The following SETBP1 variants were observed in gnomAD, a reference collection of about 807,000 sequenced individuals.
SETBP1 encodes SET-binding protein.
A neutral mutation model predicts 101.0 loss-of-function variants in SETBP1; 9 were observed. The observed-to-expected ratio is 0.09, with a 90% confidence interval of 0.05 to 0.16. The LOEUF (loss-of-function observed/expected upper bound fraction) is 0.16. Ranked by LOEUF, SETBP1 falls within the 10% of genes least tolerant of loss-of-function variation. The pLI is 1.00. For missense variants in SETBP1, 1,858 were observed against 2,033.8 expected (o/e 0.91, Z 1.66); for synonymous variants, 818 against 788.5 (o/e 1.04, Z -0.63).
At chr18:44,720,900 A>ACC (rs1599031882) in intron 2 of SETBP1, among the ~76,000 whole-genome samples, 2 of 101,204 alleles carry the variant, frequency 2.0e-5, no homozygotes, top group African/African-American at 3.9e-5. Context: ...GGAGCCCTCC[A>ACC]ACCCCCACCC....
At chr18:44,924,862 G>A (rs549763557) in intron 3 of SETBP1, among the ~76,000 whole-genome samples, 1 of 152,248 alleles carries the variant, frequency 6.6e-6, no homozygotes, top group East Asian at 1.9e-4. Flanking sequence ...CATCAAATGT[G>A]TTCCCAGATG....
chr18:44,815,846 A>C (rs1474771649), intron 2 of SETBP1, among the ~76,000 whole-genome samples: 1 of 152,224 alleles, frequency 6.6e-6, no homozygotes, highest in Non-Finnish European at 1.5e-5. Context: ...TGGGGCCTGC[A>C]GCTTCTCTTG....
chr18:44,747,373 G>A (rs1410249395), intron 2 of SETBP1, among the ~76,000 whole-genome samples: 1 of 152,112 alleles, frequency 6.6e-6, no homozygotes, highest in African/African-American at 2.4e-5. Flanking sequence ...AGCATCCCAG[G>A]AAAAGGGAAC....
intron 2 of SETBP1, among the ~76,000 whole-genome samples, chr18:44,757,788 G>C (rs2070533965): frequency 6.6e-6 from 1 of 152,082 alleles, no homozygotes; most frequent in Non-Finnish European, 1.5e-5. Context: ...TAAGAACTCT[G>C]TTTGAAAGTA....
chr18:44,715,720 G>A (rs759122870), intron 2 of SETBP1, among the ~76,000 whole-genome samples: 19 of 152,182 alleles, frequency 1.2e-4, no homozygotes, highest in Non-Finnish European at 1.9e-4. Flanking sequence ...CTACTGTATA[G>A]TAGATTTCCA....
rs747145926 is a variant in SETBP1, at chr18:44,950,976, G to A, written c.1636G>A (p.Ala546Thr). ...KPKPSTMLRE[A>T]VMATSDKLML... is the part of the protein sequence containing the mutation. The stretch of plus-strand genomic sequence containing the variant: ...AAAACCTAGCACCATGCTTCGAGAG[G>A]CAGTTATGGCCACCTCTGATAAACT... The change falls in exon 4 of 6, where the codon GCA becomes ACA. Residue 546 changes from alanine (A) to threonine (T), a missense_variant. Transcript: ENST00000649279. 1.2e-6 allele frequency: 2 copies of A among 1,614,014 alleles called. No individual in the cohort carries two copies. The highest frequency in any genetic ancestry group is 1.7e-6 in the Non-Finnish European group (2 of 1,180,018).
At chr18:45,018,054 G>T (rs554505612) in intron 4 of SETBP1, among the ~76,000 whole-genome samples, 285 of 152,290 alleles carry the variant, frequency 1.9e-3, no homozygotes, top group Non-Finnish European at 3.0e-3. Flanking sequence ...TCCACTTAAT[G>T]ATCCTTCCCA....
At chr18:44,878,322 G>A (rs959744324) in intron 3 of SETBP1, among the ~76,000 whole-genome samples, 1 of 130,352 alleles carries the variant, frequency 7.7e-6, no homozygotes, top group Non-Finnish European at 1.7e-5. Context: ...TACATCTTCA[G>A]TTTTTCATTC....
intron 3 of SETBP1, among the ~76,000 whole-genome samples, chr18:44,890,514 A>G (rs1446152047): frequency 6.6e-6 from 1 of 152,052 alleles, no homozygotes; most frequent in Non-Finnish European, 1.5e-5. Flanking sequence ...GAGTATTTGG[A>G]GATGTTTGTA....
At chr18:44,751,242 G>C (rs148570796) in intron 2 of SETBP1, among the ~76,000 whole-genome samples, 2 of 152,290 alleles carry the variant, frequency 1.3e-5, no homozygotes, top group Non-Finnish European at 2.9e-5. Flanking sequence ...TCACCCTTCT[G>C]TTCCCCACAG....
intron 2 of SETBP1, among the ~76,000 whole-genome samples, chr18:44,707,799 G>A (rs1455176089): frequency 6.6e-6 from 1 of 152,164 alleles, no homozygotes; most frequent in Non-Finnish European, 1.5e-5. Context: ...GTAAGTAGCA[G>A]GGGTGCTCAC....
chr18:44,906,182 T>C (rs1045613873), intron 3 of SETBP1, among the ~76,000 whole-genome samples: 1 of 152,214 alleles, frequency 6.6e-6, no homozygotes, highest in South Asian at 2.1e-4. Flanking sequence ...CATTTTCAGC[T>C]AAGTCCAGAA....
In SETBP1 at chr18:44,895,833, G is replaced by GA. The variant is rs150142523; in HGVS notation, c.540+26558dup. Among the ~76,000 whole-genome samples the GA allele has an allele frequency of 5.5e-3, 833 of 151,856 alleles. 10 individuals carry two copies. Among genetic ancestry groups the GA allele is most frequent in the African/African-American group, 0.019 (799 of 41,410 alleles). The stretch of plus-strand genomic sequence containing the variant: ...TTTTGTTTTATTTATTTCAACCAAA[G>GA]AAAAAAAATGACACTTTTTTTGCAT... On this transcript the variant is annotated intron_variant, in intron 3 of 5. Coordinates refer to ENST00000649279, the MANE Select transcript of SETBP1 (RefSeq NM_015559.3).
At chr18:44,815,344 AC>A (rs1184936108) in intron 2 of SETBP1, among the ~76,000 whole-genome samples, 1 of 152,246 alleles carries the variant, frequency 6.6e-6, no homozygotes, top group Non-Finnish European at 1.5e-5. Flanking sequence ...GGAGTTTTGA[AC>A]TGAACTTTAA....
intron 2 of SETBP1, among the ~76,000 whole-genome samples, chr18:44,837,073 A>C (rs538292258): frequency 2.9e-4 from 44 of 152,210 alleles, no homozygotes; most frequent in Non-Finnish European, 5.9e-4. Flanking sequence ...GCTCTGCTCC[A>C]TGGGCTAAGG....
At position 45,068,406 on chromosome 18, in the gene SETBP1, G is replaced by A. The variant is rs1355311761; in HGVS notation, c.*4708G>A. 1 of 151,694 alleles carries A rather than the reference G, an allele frequency of 6.6e-6. No homozygotes were observed. Among genetic ancestry groups the A allele is most frequent in the African/African-American group, 2.4e-5 (1 of 41,230 alleles). 9.4% of individuals were successfully genotyped at this position (151,694 alleles called of 1,614,324 possible). On this transcript the variant is annotated 3_prime_UTR_variant, in exon 6 of 6. Coordinates refer to ENST00000649279, the MANE Select transcript of SETBP1 (RefSeq NM_015559.3). ...GAAAGCTCAGTCTTTTCCGCTACCA[G>A]ATCAGGTTAGCACAGTATAGAGCAC... is the stretch of plus-strand genomic sequence containing the variant.
rs77436011 is a variant in SETBP1 at position 44,955,272 on chromosome 18, C to T, written c.4000+1932C>T. 5.6e-3 allele frequency among the ~76,000 whole-genome samples: 847 copies of T among 152,302 alleles called. 9 individuals carry two copies. Among genetic ancestry groups the T allele is most frequent in the African/African-American group, 0.019 (807 of 41,562 alleles). ...CGCATTCATCACTTTATTAAAACTC[C>T]TCCTCATCCCTGTCCCATCTCATCT... On this transcript the variant is annotated intron_variant, in intron 4 of 5. Transcript: ENST00000649279.
rs750647001 is a variant in SETBP1, at chr18:44,950,772, G to A, written c.1432G>A (p.Val478Ile). ...AATGATAGAGAATGAGTCCCCCTCA[G>A]TTGGCCTTGAAACTGGTGGAAATGC... ...SKMIENESPS[V>I]GLETGGNAEK... The change falls in exon 4 of 6, where the codon GTT becomes ATT. Residue 478 changes from valine to isoleucine, a missense_variant. By Grantham distance (29) the Val-to-Ile change is conservative. This residue lies in a region of SETBP1 where 581 missense variants were observed against 535.1 expected (regional missense o/e 1.09). Coordinates refer to ENST00000649279, the MANE Select transcript of SETBP1 (RefSeq NM_015559.3). The A allele has an allele frequency of 8.7e-6, 14 of 1,614,136 alleles. No homozygotes were observed. The highest frequency in any genetic ancestry group is 1.1e-5 in the Non-Finnish European group (13 of 1,180,028).
intron 2 of SETBP1, among the ~76,000 whole-genome samples, chr18:44,815,291 A>G (rs1052181518): frequency 6.6e-6 from 1 of 152,246 alleles, no homozygotes; most frequent in East Asian, 1.9e-4. Context: ...TGTGTGGTAA[A>G]ACCCATCTGG....
Sources: allele counts gnomAD v4.1 joint callset (sites outside exome capture counted in the v4.1 genomes callset), GRCh38; gene constraint gnomAD v4.1.1; regional missense constraint gnomAD v4.1.1; transcripts MANE v1.5; gene names NCBI Gene and HGNC (gene_info 2026-07-23, HGNC 2026-07-21).